ARID3B: variants seen among roughly 807,000 people sequenced by gnomAD.
ARID3B encodes AT-rich interactive domain-containing protein 3B.
In ARID3B, 10 loss-of-function variants were observed where a neutral mutation model predicts 51.9. The observed-to-expected ratio is 0.19, with a 90% CI of 0.12 to 0.33. The LOEUF is 0.33. Ranked by LOEUF, ARID3B falls within the 10% of genes least tolerant of loss-of-function variation. ARID3B has a pLI of 1.00. For missense variants in ARID3B, 483 were observed against 716.3 expected (o/e 0.67, Z 3.72); for synonymous variants, 205 against 279.5 (o/e 0.73, Z 2.66).
intron 4 of ARID3B, among the ~76,000 whole-genome samples, chr15:74,583,738 T>C (rs2061770035): frequency 6.6e-6 from 1 of 152,016 alleles, no homozygotes; most frequent in Non-Finnish European, 1.5e-5. Context: ...AAAAGTTCTT[T>C]ATTTTGATCT....
Position 74,595,708 on chromosome 15 carries a change from T to A in ARID3B, c.1617T>A (p.Cys539Ter). 1.2e-6 allele frequency: 2 copies of A among 1,613,590 alleles called. No individual in the cohort carries two copies. Among genetic ancestry groups the A allele is most frequent in the Non-Finnish European group, 1.7e-6 (2 of 1,179,592 alleles). Residue 539 changes from cysteine (C) to a stop codon, truncating the protein, a stop_gained, in exon 9 of 9, where the codon TGT becomes TGA. Transcript: ENST00000346246. LOFTEE classifies it high-confidence loss of function. Reference sequence around the variant, plus strand: ...CCAGCAGCAGCAGCAGCTCTCACTGTTCACCAAGTCCTACCTCATCCCGGG... The same window carrying A: ...CCAGCAGCAGCAGCAGCTCTCACTGATCACCAAGTCCTACCTCATCCCGGG... The part of the protein sequence containing the change: ...SSASSSSSSH[C>*]SPSPTSSRGT...
At chr15:74,571,583 A>G (rs1052147781) in intron 2 of ARID3B, among the ~76,000 whole-genome samples, 3 of 152,208 alleles carry the variant, frequency 2.0e-5, no homozygotes, top group African/African-American at 4.8e-5. Context: ...AGGTATGTGT[A>G]TGTTTTTTGA....
chr15:74,588,636 C>T (rs77619428), intron 4 of ARID3B, among the ~76,000 whole-genome samples: 3,546 of 152,226 alleles, frequency 0.023, 141 homozygotes, highest in African/African-American at 0.081. Flanking sequence ...ATCATTAATC[C>T]CGAGGCTGCC....
intron 4 of ARID3B, among the ~76,000 whole-genome samples, chr15:74,576,575 C>T (rs1469085449): frequency 1.3e-5 from 2 of 152,026 alleles, no homozygotes; most frequent in African/African-American, 4.8e-5. Context: ...GGGCAAATTG[C>T]TCGAGCCGGG....
chr15:74,579,883 GCACACGCAAAAAATACA>G (rs1456319573), intron 4 of ARID3B, among the ~76,000 whole-genome samples: 2 of 150,766 alleles, frequency 1.3e-5, no homozygotes, highest in African/African-American at 2.5e-5. Flanking sequence ...GCGCGCGCGC[GCACACGCAAAAAATACA>G]CACGTTTCAG....
intron 2 of ARID3B, among the ~76,000 whole-genome samples, chr15:74,563,290 G>A (rs1360537590): frequency 6.6e-6 from 1 of 152,196 alleles, no homozygotes; most frequent in Non-Finnish European, 1.5e-5. Context: ...CCTGGAGGAA[G>A]CCTTAGGAGA....
At chr15:74,566,325 C>T (rs966243018) in intron 2 of ARID3B, among the ~76,000 whole-genome samples, 7 of 152,032 alleles carry the variant, frequency 4.6e-5, no homozygotes, top group South Asian at 4.1e-4. Flanking sequence ...ATAGGCCAGG[C>T]GCAGTGGCTC....
At chr15:74,584,037 T>A (rs918569406) in intron 4 of ARID3B, among the ~76,000 whole-genome samples, 3 of 152,342 alleles carry the variant, frequency 2.0e-5, no homozygotes, top group Admixed American at 2.0e-4. Context: ...TCCTTTCCCT[T>A]TCCTATTAAA....
Position 74,595,805 on chromosome 15 carries a change from C to T in ARID3B, c.*31C>T, listed in dbSNP as rs765169379. On this transcript the variant is annotated 3_prime_UTR_variant, in exon 9 of 9. Transcript: ENST00000346246. Reference sequence around the variant, plus strand: ...AGGACCCAGCTTCCCACTTGCCACTCTCCTGTCGAGAGTGAAGGAAGTTGA... The same window carrying T: ...AGGACCCAGCTTCCCACTTGCCACTTTCCTGTCGAGAGTGAAGGAAGTTGA... 8 of 1,590,258 alleles carry T rather than the reference C, an allele frequency of 5.0e-6. No individual in the cohort carries two copies. The highest frequency in any genetic ancestry group is 2.2e-5 in the East Asian group (1 of 44,502).
At chr15:74,552,056 C>CTTTTTTTTTTTTTTT (rs869096001) in intron 2 of ARID3B, among the ~76,000 whole-genome samples, 3 of 102,630 alleles carry the variant, frequency 2.9e-5, no homozygotes, top group South Asian at 3.8e-4. Context: ...TCTTTCTTTC[C>CTTTTTTTTTTTTTTT]TTTTTTTTTT....
intron 4 of ARID3B, among the ~76,000 whole-genome samples, chr15:74,587,254 CTG>C (rs1169728661): frequency 6.6e-6 from 1 of 152,204 alleles, no homozygotes; most frequent in Non-Finnish European, 1.5e-5. Context: ...AGGCATCTAA[CTG>C]TGGGCCAGAG....
intron 2 of ARID3B, among the ~76,000 whole-genome samples, chr15:74,547,087 C>G (rs947115672): frequency 6.6e-6 from 1 of 151,934 alleles, no homozygotes; most frequent in East Asian, 1.9e-4. Context: ...TAATGGAGTG[C>G]AAAAATAGAA....
chr15:74,554,128 T>G (rs931358386), intron 2 of ARID3B, among the ~76,000 whole-genome samples: 1 of 152,140 alleles, frequency 6.6e-6, no homozygotes, highest in African/African-American at 2.4e-5. Context: ...TGCCTCAGCC[T>G]CCCAAGTAGC....
At chr15:74,594,458 A>AT (rs2061816457) in intron 8 of ARID3B, among the ~76,000 whole-genome samples, 1 of 152,126 alleles carries the variant, frequency 6.6e-6, no homozygotes, top group Admixed American at 6.5e-5. Flanking sequence ...AAAAAAAAAA[A>AT]GCACAGTATT....
intron 4 of ARID3B, among the ~76,000 whole-genome samples, chr15:74,589,535 C>CT (rs2061795519): frequency 1.3e-5 from 2 of 152,154 alleles, no homozygotes; most frequent in Admixed American, 6.5e-5. Flanking sequence ...CACACACGAA[C>CT]TAAAAAACAA....
intron 4 of ARID3B, among the ~76,000 whole-genome samples, chr15:74,575,461 G>T (rs1194128549): frequency 6.6e-6 from 1 of 152,242 alleles, no homozygotes; most frequent in African/African-American, 2.4e-5. Flanking sequence ...TGTGTGAGCA[G>T]TCTTGTTGGT....
At chr15:74,580,275 G>A (rs771996268) in intron 4 of ARID3B, among the ~76,000 whole-genome samples, 1 of 152,174 alleles carries the variant, frequency 6.6e-6, no homozygotes, top group Admixed American at 6.5e-5. Context: ...ACTCCCTGTG[G>A]GTGGTTTCTG....
intron 2 of ARID3B, among the ~76,000 whole-genome samples, chr15:74,549,157 T>C (rs1245286189): frequency 6.6e-6 from 1 of 151,780 alleles, no homozygotes; most frequent in East Asian, 1.9e-4. Flanking sequence ...CACTGCAGGC[T>C]CCACCCCCCG....
rs963245747 is a variant in ARID3B, at chr15:74,541,316, G to A, written c.-92G>A. 2.0e-5 allele frequency: 3 copies of A among 148,076 alleles called. No individual in the cohort carries two copies. Among genetic ancestry groups the A allele is most frequent in the Non-Finnish European group, 4.5e-5 (3 of 66,224 alleles). The allele number at this position is 148,076 out of a possible 1,614,324, so 9.2% of individuals were successfully genotyped here. A position where few individuals can be genotyped will look rare whatever the true frequency, so the allele number is the denominator to read the frequency against. Reference sequence around the variant, plus strand: ...GCCTCCTCCGCCGCCCGAAAACCCGGAGTGCCCCGCACAGGTAAGTGGCCC... The same window carrying A: ...GCCTCCTCCGCCGCCCGAAAACCCGAAGTGCCCCGCACAGGTAAGTGGCCC... On this transcript the variant is annotated 5_prime_UTR_variant, in exon 1 of 9. Transcript: ENST00000346246.
Sources: gnomAD v4.1 joint callset for allele counts (sites outside exome capture counted in the v4.1 genomes callset) on GRCh38, gnomAD v4.1.1 for gene constraint, MANE v1.5 for transcripts, NCBI Gene and HGNC (gene_info 2026-07-23, HGNC 2026-07-21) for gene names.